The following PLEC variants were observed in gnomAD, a reference collection of about 807,000 sequenced individuals.
The protein encoded by PLEC is hemidesmosomal protein 1.
Under a neutral mutation model 392.8 loss-of-function variants are expected in PLEC, and 216 were observed. That is an observed-to-expected ratio of 0.55 (90% CI 0.49 to 0.62). The LOEUF is 0.62. Ranked by LOEUF, PLEC falls within the 20% of genes least tolerant of loss-of-function variation. The pLI, the probability that PLEC is intolerant of heterozygous loss-of-function variation, is 0.00. For missense variants in PLEC, 6,863 were observed against 6,563.4 expected, an observed-to-expected ratio of 1.05 and a Z score of -1.58; for synonymous variants, 3,621 against 2,980.6, an observed-to-expected ratio of 1.21 and a Z score of -7.00.
chr8:143,921,442 C>T lies in PLEC; in HGVS notation c.8379G>A (p.Gln2793=), dbSNP rs1379471914. 1.5e-5 allele frequency: 24 copies of T among 1,613,464 alleles called. No homozygotes were observed. Among genetic ancestry groups the T allele is most frequent in the Non-Finnish European group, 2.0e-5 (24 of 1,179,850 alleles). ...CGTGCTCCCGGACGATGAGGCCCTT[C>T]TGCATGGCTTGGAAGAGAGAGATCT... ...GQQISLFQAM[Q]KGLIVREHGI... The change falls in exon 32 of 32, where the codon CAG becomes CAA. Residue 2793 remains glutamine, a synonymous_variant. Transcript: ENST00000345136.
chr8:143,927,759 C>G lies in PLEC; in HGVS notation c.3407G>C (p.Arg1136Pro). The G allele has an allele frequency of 6.2e-7, 1 of 1,600,230 alleles. No homozygotes were observed. The highest frequency in any genetic ancestry group is 8.5e-7 in the Non-Finnish European group (1 of 1,173,712). The change falls in exon 27 of 32, where the codon CGG becomes CCG. Residue 1136 changes from arginine to proline, a missense_variant. Transcript: ENST00000345136. ...EATKASLKKLRAQAEAQQPTF... is the reference protein window; with the variant it reads ...EATKASLKKLPAQAEAQQPTF... ...GGGCTGCTGTGCCTCGGCCTGGGCC[C>G]GCAGCTTCTGTTGGGGACAGGAGGG...
Position 143,919,845 on chromosome 8 carries a change from C to A in PLEC, c.9976G>T (p.Ala3326Ser), listed in dbSNP as rs1192991632. 26 of 1,613,046 alleles carry A rather than the reference C, an allele frequency of 1.6e-5. No individual in the cohort carries two copies. The highest frequency in any genetic ancestry group is 2.7e-5 in the African/African-American group (2 of 74,942). Residue 3326 changes from alanine (A) to serine (S), a missense_variant, in exon 32 of 32, where the codon GCC becomes TCC. Ala to Ser is a moderately conservative substitution (Grantham distance 99). Transcript: ENST00000345136. Reference sequence around the variant, plus strand: ...CCGTCCTTGAGCTGCTCAAACTGGGCTCTGCTGAGGACCCCGGAAGCCAGG... The same window carrying A: ...CCGTCCTTGAGCTGCTCAAACTGGGATCTGCTGAGGACCCCGGAAGCCAGG... ...ELLASGVLSR[A>S]QFEQLKDGKT...
chr8:143,943,650 G>C (rs769990786), upstream of PLEC: 101 of 868,816 alleles, frequency 1.2e-4, no homozygotes, highest in Non-Finnish European at 1.6e-4. Flanking sequence ...GTGGGGTGGA[G>C]GGGCAACACT....
chr8:143,927,606 C>A lies in PLEC; in HGVS notation c.3560G>T (p.Arg1187Leu), dbSNP rs782730877. The A allele has an allele frequency of 6.3e-7, 1 of 1,586,770 alleles. No individual in the cohort carries two copies. The highest frequency in any genetic ancestry group is 1.1e-5 in the South Asian group (1 of 89,446). Residue 1187 changes from arginine to leucine, a missense_variant, in exon 27 of 32, where the codon CGC (arginine) becomes CTC (leucine). Coordinates refer to ENST00000345136, the MANE Select transcript of PLEC (RefSeq NM_201384.3). ...GGTCTGGGCCAGCACAGCCTGCCAGCGCTCAAGCAACTGGGCGACCCGCTC... is the reference window on the plus strand; with the variant it reads ...GGTCTGGGCCAGCACAGCCTGCCAGAGCTCAAGCAACTGGGCGACCCGCTC... The part of the protein sequence containing the change: ...WRERVAQLLE[R>L]WQAVLAQTDV...
upstream of PLEC, among the ~76,000 whole-genome samples, chr8:143,953,361 G>A (rs544118804): frequency 1.7e-4 from 26 of 151,164 alleles, no homozygotes; most frequent in Non-Finnish European, 4.4e-5. Flanking sequence ...CCCCTTGGAC[G>A]CCAGGTTGTG....
chr8:143,964,601 C>T (rs891901797), intron 1 of PLEC, among the ~76,000 whole-genome samples: 1 of 152,134 alleles, frequency 6.6e-6, no homozygotes, highest in South Asian at 2.1e-4. Flanking sequence ...CCTCCAGAAC[C>T]GTAAGAGAAT....
Position 143,935,967 on chromosome 8 carries a change from C to G in PLEC, c.483G>C (p.Lys161Asn). 6.2e-7 allele frequency: 1 copy of G among 1,612,862 alleles called. No individual in the cohort carries two copies. The highest frequency in any genetic ancestry group is 1.3e-5 in the African/African-American group (1 of 75,044). The change falls in exon 6 of 32, where the codon AAG (lysine) becomes AAC (asparagine). Residue 161 changes from lysine (K) to asparagine (N), a missense_variant. Physicochemically the swap from Lys to Asn is moderately conservative, Grantham distance 94 (BLOSUM62 0). Coordinates refer to ENST00000345136, the MANE Select transcript of PLEC (RefSeq NM_201384.3). ...GCTGCGACCACAGCAGCAGCTTCTC[C>G]TTGGCCGTCATGTCCTCCGACTGCC... ...VSGQSEDMTAKEKLLLWSQRM... is the reference protein window; with the variant it reads ...VSGQSEDMTANEKLLLWSQRM...
At chr8:143,957,104 T>G (rs1832636301), upstream of PLEC, among the ~76,000 whole-genome samples, 1 of 151,920 alleles carries the variant, frequency 6.6e-6, no homozygotes, top group Non-Finnish European at 1.5e-5. Context: ...GCCGGGGATT[T>G]CAACAGGACA....
rs782592296 is a variant in PLEC, at chr8:143,919,865, G to A, written c.9956C>T (p.Ala3319Val). The change falls in exon 32 of 32, where the codon GCT becomes GTT. Residue 3319 changes from alanine (A) to valine (V), a missense_variant. Transcript: ENST00000345136. ...CTGGGCTCTGCTGAGGACCCCGGAA[G>A]CCAGGAGCTCGCTGGCTGGCACAGG... Reference protein sequence around the residue: ...RAPVPASELLASGVLSRAQFE... With the variant: ...RAPVPASELLVSGVLSRAQFE... 24 of 1,613,004 alleles carry A rather than the reference G, an allele frequency of 1.5e-5. No homozygotes were observed. Among genetic ancestry groups the A allele is most frequent in the Non-Finnish European group, 1.8e-5 (21 of 1,180,026 alleles).
chr8:143,916,992 TCTC>T lies in PLEC; in HGVS notation c.12826_12828del (p.Glu4276del). ...TCCAGGATGCCAGCCACGGGGCCCG[TCTC>T]CTCAGTGGGGTCTGACCAGGAGGCC... On this transcript the variant is annotated inframe_deletion, in exon 32 of 32. Coordinates refer to ENST00000345136, the MANE Select transcript of PLEC (RefSeq NM_201384.3). 1 of 1,612,756 alleles carries T rather than the reference TCTC, an allele frequency of 6.2e-7. No homozygotes were observed. The highest frequency in any genetic ancestry group is 8.5e-7 in the Non-Finnish European group (1 of 1,179,926).
upstream of PLEC, among the ~76,000 whole-genome samples, chr8:143,951,376 C>T (rs567642613): frequency 3.9e-5 from 6 of 152,024 alleles, no homozygotes; most frequent in African/African-American, 1.4e-4. Context: ...TGGGGTCTTG[C>T]GGGAGGAAGT....
rs373493332 is a variant in PLEC at position 143,917,902 on chromosome 8, G to A, written c.11919C>T (p.Thr3973=). The A allele has an allele frequency of 1.5e-5, 25 of 1,612,932 alleles. No individual in the cohort carries two copies. Among genetic ancestry groups the A allele is most frequent in the South Asian group, 4.4e-5 (4 of 91,070 alleles). ...CCTTGATGGGGTCGATGACGTAACC[G>A]GTGGCCGCCTGCGCCTCCAGGAGCT... The part of the protein sequence containing the change: ...AFELLEAQAA[T]GYVIDPIKGL... Residue 3973 remains threonine, a synonymous_variant, in exon 32 of 32, where the codon ACC becomes ACT. Coordinates refer to ENST00000345136, the MANE Select transcript of PLEC (RefSeq NM_201384.3).
At position 143,924,956 on chromosome 8, in the gene PLEC, G is replaced by A. The variant is rs782338538; in HGVS notation, c.4973C>T (p.Ala1658Val). The change falls in exon 31 of 32, where the codon GCG (alanine) becomes GTG (valine). Residue 1658 changes from alanine to valine, a missense_variant. By Grantham distance (64) the Ala-to-Val change is moderately conservative. Transcript: ENST00000345136. ...AEEVAQQKSL[A>V]QAEAEKQKEE... ...CTTCTGCTTCTCAGCCTCGGCCTGCGCCAGGCTCTTCTGCTGCGCCACCTC... is the reference window on the plus strand; with the variant it reads ...CTTCTGCTTCTCAGCCTCGGCCTGCACCAGGCTCTTCTGCTGCGCCACCTC... 12 of 1,580,076 alleles carry A rather than the reference G, an allele frequency of 7.6e-6. No individual in the cohort carries two copies. The highest frequency in any genetic ancestry group is 2.3e-5 in the South Asian group (2 of 88,294).
At chr8:143,937,280 C>G in intron 3 of PLEC, 38 bp from the exon 4 acceptor site, 1 of 1,527,052 alleles carries the variant, frequency 6.5e-7, no homozygotes, top group Non-Finnish European at 9.1e-7. Flanking sequence ...AGTGCAGCTG[C>G]AGCTCCCGGG....
At chr8:143,937,850 G>A in intron 3 of PLEC, 1 of 599,052 alleles carries the variant, frequency 1.7e-6, no homozygotes, top group Non-Finnish European at 3.1e-6. Flanking sequence ...AAGCAGCAGA[G>A]AAACCAAAGC....
Position 143,932,994 on chromosome 8 carries a change from C to G in PLEC, c.1536G>C (p.Gln512His), listed in dbSNP as rs782758186. The G allele has an allele frequency of 6.2e-6, 10 of 1,608,704 alleles. No individual in the cohort carries two copies. Among genetic ancestry groups the G allele is most frequent in the South Asian group, 5.5e-5 (5 of 90,444 alleles). The change falls in exon 14 of 32, where the codon CAG (glutamine) becomes CAC (histidine). Residue 512 changes from glutamine (Q) to histidine (H), a missense_variant. Gln to His is a conservative substitution (Grantham distance 24). Transcript: ENST00000345136. ...QVAQVTLQSV[Q>H]RRPELEDSTL... is the part of the protein sequence containing the mutation. ...TGGAGTCCTCCAGCTCGGGGCGCCT[C>G]TGCACACTCTGCAGAGTCACCTGGG...
chr8:143,918,366 G>A lies in PLEC; in HGVS notation c.11455C>T (p.Pro3819Ser), dbSNP rs1479965902. The change falls in exon 32 of 32, where the codon CCC becomes TCC. Residue 3819 changes from proline (P) to serine (S), a missense_variant. Physicochemically the swap from Pro to Ser is moderately conservative, Grantham distance 74 (BLOSUM62 -1). Transcript: ENST00000345136. ...IVDPRLGFHL[P>S]LEVAYQRGYL... ...CCACGCTGGTAAGCCACCTCCAGGGGAAGGTGGAAGCCCAGGCGGGGGTCC... is the reference window on the plus strand; with the variant it reads ...CCACGCTGGTAAGCCACCTCCAGGGAAAGGTGGAAGCCCAGGCGGGGGTCC... The A allele has an allele frequency of 1.3e-6, 2 of 1,571,884 alleles. No individual in the cohort carries two copies. Among genetic ancestry groups the A allele is most frequent in the African/African-American group, 2.7e-5 (2 of 74,588 alleles).
rs1554668978 is a variant in PLEC, at chr8:143,916,402, G to T, written c.13419C>A (p.Gly4473=). The change falls in exon 32 of 32, where the codon GGC becomes GGA. Residue 4473 remains glycine (G), a synonymous_variant. Transcript: ENST00000345136. The stretch of plus-strand genomic sequence containing the variant: ...CGCTGACGCTGTAGGGGCTGTAGTA[G>T]CCCTTGGTGGACTGCGCGGCAGCCT... ...LLEAAAQSTK[G]YYSPYSVSGS... is the part of the protein sequence containing the mutation. The T allele has an allele frequency of 6.2e-7, 1 of 1,611,222 alleles. No homozygotes were observed. Among genetic ancestry groups the T allele is most frequent in the South Asian group, 1.1e-5 (1 of 91,080 alleles).
At chr8:143,943,714 G>A (rs1221535342), upstream of PLEC, 10 of 1,462,608 alleles carry the variant, frequency 6.8e-6, no homozygotes, top group Non-Finnish European at 9.4e-6. Context: ...AGGGAATGAA[G>A]GGGCGGGAGG....
Sources: allele counts gnomAD v4.1 joint callset (sites outside exome capture counted in the v4.1 genomes callset), GRCh38; gene constraint gnomAD v4.1.1; transcripts MANE v1.5; gene names NCBI Gene and HGNC (gene_info 2026-07-23, HGNC 2026-07-21).